CNOT1: variants seen among roughly 807,000 people sequenced by gnomAD.
CNOT1 encodes the protein CCR4-NOT transcription complex subunit 1.
Under a neutral mutation model 273.8 loss-of-function variants are expected in CNOT1, and 15 were observed. The ratio of observed to expected loss-of-function variants is 0.05; its 90% CI spans 0.04 to 0.08. The LOEUF is 0.08. Ranked by LOEUF, CNOT1 falls within the 10% of genes least tolerant of loss-of-function variation. CNOT1 has a pLI of 1.00. For missense variants in CNOT1, 1,644 were observed against 2,912.2 expected (o/e 0.56, Z 10.02); for synonymous variants, 1,022 against 1,005.5 (o/e 1.02, Z -0.31).
At chr16:58,534,108 TGATGTA>T in intron 40 of CNOT1, 33 bp downstream of exon 40, 1 of 1,509,046 alleles carries the variant, frequency 6.6e-7, no homozygotes. Context: ...AACACCCCAC[TGATGTA>T]GACCAAGACT....
intron 8 of CNOT1, among the ~76,000 whole-genome samples, chr16:58,584,320 T>C (rs1212298054): frequency 6.6e-6 from 1 of 152,132 alleles, no homozygotes; most frequent in Non-Finnish European, 1.5e-5. Flanking sequence ...AAATCCATCC[T>C]AACTTTTTTT....
At chr16:58,604,417 T>A (rs1429737853) in intron 1 of CNOT1, among the ~76,000 whole-genome samples, 2 of 152,148 alleles carry the variant, frequency 1.3e-5, no homozygotes, top group African/African-American at 4.8e-5. Flanking sequence ...TGTCTACTAT[T>A]GGCTCTTTAC....
At chr16:58,593,507 G>A (rs751496936) in intron 2 of CNOT1, among the ~76,000 whole-genome samples, 6 of 151,670 alleles carry the variant, frequency 4.0e-5, no homozygotes, top group Non-Finnish European at 5.9e-5. Context: ...TGCAGCGAGC[G>A]GAGATCGTGC....
intron 24 of CNOT1, among the ~76,000 whole-genome samples, 199 bp from the exon 25 acceptor site, chr16:58,550,097 G>T (rs1242352166): frequency 6.6e-6 from 1 of 152,156 alleles, no homozygotes; most frequent in African/African-American, 2.4e-5. Flanking sequence ...CAACCCATAC[G>T]TGATTGGGAC....
At position 58,554,935 on chromosome 16, in the gene CNOT1, C is replaced by CAAAAGAAAAAAAAAAA. The variant is rs774456750; in HGVS notation, c.2891+315_2891+316insTTTTTTTTTTTCTTTT. Among the ~76,000 whole-genome samples, 2 of 78,902 alleles carry CAAAAGAAAAAAAAAAA rather than the reference C, an allele frequency of 2.5e-5. 1 individual carries two copies. The highest frequency in any genetic ancestry group is 4.8e-5 in the Non-Finnish European group (2 of 41,866). The allele number at this position is 78,902 out of a possible 152,430, so 51.8% of individuals were successfully genotyped here. A position where few individuals can be genotyped will look rare whatever the true frequency, so the allele number is the denominator to read the frequency against. ...TGGGGGACAGAGCAAGACTCCATCT[C>CAAAAGAAAAAAAAAAA]AAAAAAAAAAAAAAAAAAGCTTCAG... On this transcript the variant is annotated intron_variant, in intron 21 of 48. Transcript: ENST00000317147.
chr16:58,581,841 T>C (rs2041668264), intron 10 of CNOT1, among the ~76,000 whole-genome samples: 3 of 152,012 alleles, frequency 2.0e-5, no homozygotes, highest in Admixed American at 2.0e-4. Flanking sequence ...TTTTAAAATT[T>C]TAGTAGAGAC....
At chr16:58,622,260 G>C (rs923660193) in intron 1 of CNOT1, among the ~76,000 whole-genome samples, 6 of 146,514 alleles carry the variant, frequency 4.1e-5, no homozygotes, top group African/African-American at 7.5e-5. Context: ...CTTGCAGTGA[G>C]CCGAGATGGC....
chr16:58,592,109 C>T (rs112384171), intron 2 of CNOT1, among the ~76,000 whole-genome samples: 1 of 152,136 alleles, frequency 6.6e-6, no homozygotes, highest in Non-Finnish European at 1.5e-5. Flanking sequence ...TTATTTTACT[C>T]GTCTCCCCTT....
Position 58,542,414 on chromosome 16 carries a change from T to C in CNOT1, c.4575+14A>G. On this transcript the variant is annotated intron_variant, in intron 32 of 48. Coordinates refer to ENST00000317147, the MANE Select transcript of CNOT1 (RefSeq NM_016284.5). ...AAAAAAGAAAATCTTAAAAGGCAAA[T>C]TCTAAACACTTACAGTTGCTAATCT... is the stretch of plus-strand genomic sequence containing the variant. 6.2e-7 allele frequency: 1 copy of C among 1,613,750 alleles called. No homozygotes were observed. The highest frequency in any genetic ancestry group is 2.2e-5 in the East Asian group (1 of 44,888).
At position 58,527,972 on chromosome 16, in the gene CNOT1, G is replaced by A. The variant is rs146923518; in HGVS notation, c.6453+503C>T. 44 of 331,700 alleles carry A rather than the reference G, an allele frequency of 1.3e-4. 1 individual carries two copies. The East Asian group carries it at 3.3e-3, about 25-fold the overall frequency. The allele number at this position is 331,700 out of a possible 1,614,324, so 20.5% of individuals were successfully genotyped here. A position where few individuals can be genotyped will look rare whatever the true frequency, so the allele number is the denominator to read the frequency against. ...CTCCACTAAACACATAATTAGCCAG[G>A]TGTGGTGGCGAGTGCCTGTAATCCC... On this transcript the variant is annotated intron_variant, in intron 44 of 48. Transcript: ENST00000317147.
At chr16:58,526,547 G>A (rs2039589858) in intron 44 of CNOT1, among the ~76,000 whole-genome samples, 1 of 149,240 alleles carries the variant, frequency 6.7e-6, no homozygotes, top group African/African-American at 2.5e-5. Context: ...ATTGAAGCCG[G>A]GCGCAGTGGC....
Position 58,542,495 on chromosome 16 carries a change from G to C in CNOT1, c.4508C>G (p.Ala1503Gly). The C allele has an allele frequency of 1.3e-6, 2 of 1,575,928 alleles. No individual in the cohort carries two copies. The highest frequency in any genetic ancestry group is 1.7e-6 in the Non-Finnish European group (2 of 1,160,414). ...TGCAGTCTTCTGAATAAAACAGCAA[G>C]CCAACTCACAATTGTCCTGAGCTAA... Reference protein sequence around the residue: ...AQLAQDNCELACCFIQKTAVE... With the variant: ...AQLAQDNCELGCCFIQKTAVE... Residue 1503 changes from alanine to glycine, a missense_variant, in exon 32 of 49, where the codon GCT (alanine) becomes GGT (glycine). Ala to Gly is a moderately conservative substitution (Grantham distance 60). Around this residue, in one of 13 missense-constraint regions of CNOT1, gnomAD observed 133 missense variants for 230.4 expected, o/e 0.58. Coordinates refer to ENST00000317147, the MANE Select transcript of CNOT1 (RefSeq NM_016284.5).
chr16:58,593,924 A>C (rs1322777762), intron 2 of CNOT1, among the ~76,000 whole-genome samples: 1 of 152,202 alleles, frequency 6.6e-6, no homozygotes, highest in African/African-American at 2.4e-5. Flanking sequence ...ATACAGATGA[A>C]TCCTACTTGA....
rs1256085126 is a variant in CNOT1, at chr16:58,557,113, A to G, written c.2333-120T>C. The G allele has an allele frequency of 6.1e-6, 8 of 1,317,192 alleles. No individual in the cohort carries two copies. The South Asian group carries it at 8.2e-5, about 13-fold the overall frequency. The allele number at this position is 1,317,192 out of a possible 1,614,324, so 81.6% of individuals were successfully genotyped here. ...TAAAGTCATAGTAACTCTTACTTTA[A>G]AAGTCAGAGTCTTTGTTAATTCCCT... On this transcript the variant is annotated intron_variant, in intron 18 of 48. Coordinates refer to ENST00000317147, the MANE Select transcript of CNOT1 (RefSeq NM_016284.5).
At chr16:58,611,443 A>T (rs2152034335) in intron 1 of CNOT1, among the ~76,000 whole-genome samples, 1 of 151,838 alleles carries the variant, frequency 6.6e-6, no homozygotes, top group African/African-American at 2.4e-5. Context: ...AAAAATAAAT[A>T]AAATAAATAA....
At chr16:58,528,438 A>T in intron 44 of CNOT1, 37 bp downstream of exon 44, 1 of 1,469,802 alleles carries the variant, frequency 6.8e-7, no homozygotes, top group Non-Finnish European at 9.5e-7. Flanking sequence ...CTGAAATATT[A>T]AGACATAAGT....
At chr16:58,622,848 CAAA>C (rs11372225) in intron 1 of CNOT1, among the ~76,000 whole-genome samples, 4 of 104,418 alleles carry the variant, frequency 3.8e-5, no homozygotes, top group Admixed American at 1.0e-4. Context: ...ACTCTTGACC[CAAA>C]AAAAAAAAAA....
intron 2 of CNOT1, 166 bp downstream of exon 2, chr16:58,599,070 A>AAAT: frequency 5.5e-6 from 4 of 729,628 alleles, no homozygotes; most frequent in Non-Finnish European, 8.3e-6. Flanking sequence ...AAAAAAAAAA[A>AAAT]GATTGGGCTA....
intron 24 of CNOT1, among the ~76,000 whole-genome samples, chr16:58,550,512 GTTTTTCTAGTTTATTTTATTCT>G (rs905964360): frequency 1.3e-5 from 2 of 151,740 alleles, no homozygotes; most frequent in Non-Finnish European, 2.9e-5. Flanking sequence ...TTCCTTCATA[GTTTTTCTAGTTTATTTTATTCT>G]TTTTTCTAGT....
Sources: allele counts gnomAD v4.1 joint callset (sites outside exome capture counted in the v4.1 genomes callset), GRCh38; gene constraint gnomAD v4.1.1; regional missense constraint gnomAD v4.1.1; transcripts MANE v1.5; gene names NCBI Gene and HGNC (gene_info 2026-07-23, HGNC 2026-07-21).